MUC12: variants seen among roughly 807,000 people sequenced by gnomAD.
The protein encoded by MUC12 is mucin 12, cell surface associated.
MUC12 carries 172 observed loss-of-function variants against 230.8 expected under a neutral mutation model. That is an observed-to-expected ratio of 0.75 (90% CI 0.66 to 0.85). MUC12 has a LOEUF of 0.85. Among genes scored for constraint, MUC12 ranks in the 40% least tolerant of loss-of-function variants. The pLI is 0.00. For synonymous variants in MUC12, 1,259 were observed against 2,401.9 expected, an observed-to-expected ratio of 0.52 and a Z score of 13.91; for missense variants, 3,506 against 5,920.6, an observed-to-expected ratio of 0.59 and a Z score of 13.38.
At chr7:101,013,203 C>T (rs1182189815) in intron 8 of MUC12, 61 bp downstream of exon 8, 8 of 1,517,670 alleles carry the variant, frequency 5.3e-6, no homozygotes, top group African/African-American at 1.4e-5. Flanking sequence ...TCCCCCTCCC[C>T]AGCAGTCACC....
rs1309159866 is a variant in MUC12, at chr7:100,990,703, C to T, written c.140C>T (p.Thr47Ile). ...ACACCCAGTTCAAGCGACCCTTTTA[C>T]CACCTTTAGTGACTATGGGGTGTCA... ...ASTPSSSDPF[T>I]TFSDYGVSVT... The change falls in exon 2 of 12, where the codon ACC becomes ATC. Residue 47 changes from threonine to isoleucine, a missense_variant. Thr to Ile is a moderately conservative substitution (Grantham distance 89). Coordinates refer to ENST00000536621, the MANE Select transcript of MUC12 (RefSeq NM_001164462.2). 7.2e-6 allele frequency: 11 copies of T among 1,537,904 alleles called. No homozygotes were observed. In the South Asian group the frequency reaches 9.5e-5, roughly 13 times the overall value.
chr7:100,986,431 A>G (rs926006658), intron 1 of MUC12, among the ~76,000 whole-genome samples: 3 of 148,514 alleles, frequency 2.0e-5, no homozygotes, highest in Non-Finnish European at 4.5e-5. Context: ...AAAAAAAAAG[A>G]AAAAAAAAGC....
chr7:101,009,282 C>A, intron 5 of MUC12, 123 bp downstream of exon 5: 1 of 947,394 alleles, frequency 1.1e-6, no homozygotes, highest in South Asian at 1.5e-5. Flanking sequence ...GTCCTGCAGC[C>A]GCTAGGGAAC....
Position 101,004,841 on chromosome 7 carries a change from T to C in MUC12, c.14278T>C (p.Ser4760Pro). The C allele has an allele frequency of 9.8e-6, 15 of 1,536,874 alleles. No homozygotes were observed. Among genetic ancestry groups the C allele is most frequent in the Non-Finnish European group, 1.2e-5 (14 of 1,146,472 alleles). The change falls in exon 2 of 12, where the codon TCC (serine) becomes CCC (proline). Residue 4760 changes from serine to proline, a missense_variant. Physicochemically the swap from Ser to Pro is moderately conservative, Grantham distance 74. Coordinates refer to ENST00000536621, the MANE Select transcript of MUC12 (RefSeq NM_001164462.2). ...ACTCTCACCTGCCAGCATGACAAGC[T>C]CCAGCATCAGTGGAGAACCCACCAG... ...QTLSPASMTS[S>P]SISGEPTSLY...
At position 100,992,926 on chromosome 7, in the gene MUC12, C is replaced by A. The variant is rs35874995; in HGVS notation, c.2363C>A (p.Thr788Asn). The A allele has an allele frequency of 0.13, 193,006 of 1,513,526 alleles. 14,574 individuals are homozygous for A. The highest frequency in any genetic ancestry group is 0.18 in the African/African-American group (12,822 of 72,048). 93.8% of individuals were successfully genotyped at this position (1,513,526 alleles called of 1,614,324 possible). A position where few individuals can be genotyped will look rare whatever the true frequency, so the allele number is the denominator to read the frequency against. The change falls in exon 2 of 12, where the codon ACC (threonine) becomes AAC (asparagine). Residue 788 changes from threonine to asparagine, a missense_variant. Coordinates refer to ENST00000536621, the MANE Select transcript of MUC12 (RefSeq NM_001164462.2). ...ATAGTCCTACCTGCCCGCTCCACAA[C>A]CTCAGTTCTTCTTGGAGAATCTACG... ...GTIVLPARST[T>N]SVLLGESTTS... is the part of the protein sequence containing the mutation.
chr7:101,017,775 C>CCCCT (rs2116369754), intron 11 of MUC12, 112 bp downstream of exon 11: 3 of 702,078 alleles, frequency 4.3e-6, no homozygotes, highest in African/African-American at 4.2e-5. Context: ...CCCCCTGGGA[C>CCCCT]TCCCTCCCTT....
In MUC12 at chr7:101,005,502, T is replaced by C. The variant is rs1793732757; in HGVS notation, c.14939T>C (p.Leu4980Pro). 8 of 1,536,944 alleles carry C rather than the reference T, an allele frequency of 5.2e-6. No individual in the cohort carries two copies. Among genetic ancestry groups the C allele is most frequent in the African/African-American group, 2.7e-5 (2 of 73,066 alleles). ...FTSTIVSTES[L>P]ETLAPGLCQE... ...TCTACAATTGTGTCTACTGAAAGCCTGGAAACCTTAGCACCAGGTACTGCT... is the reference window on the plus strand; with the variant it reads ...TCTACAATTGTGTCTACTGAAAGCCCGGAAACCTTAGCACCAGGTACTGCT... Residue 4980 changes from leucine to proline, a missense_variant, in exon 2 of 12, where the codon CTG becomes CCG. Leu to Pro is a moderately conservative substitution (Grantham distance 98, BLOSUM62 -3). Transcript: ENST00000536621.
At chr7:100,969,762 A>G in intron 1 of MUC12, 73 bp downstream of exon 1, 1 of 1,531,214 alleles carries the variant, frequency 6.5e-7, no homozygotes, top group Non-Finnish European at 8.8e-7. Flanking sequence ...TGCCTCAGGC[A>G]GCAGGGCTGC....
chr7:101,005,800 ATTTT>A (rs58353499), intron 2 of MUC12, among the ~76,000 whole-genome samples: 84 of 146,600 alleles, frequency 5.7e-4, no homozygotes, highest in East Asian at 8.0e-4. Flanking sequence ...TCTTCTCTGG[ATTTT>A]TTTTTTTTTT....
chr7:101,006,774 G>A (rs1365397022), intron 3 of MUC12, among the ~76,000 whole-genome samples: 2 of 151,932 alleles, frequency 1.3e-5, no homozygotes, highest in East Asian at 1.9e-4. Context: ...TGGGGTGGTC[G>A]ATTTTTTTTA....
intron 3 of MUC12, among the ~76,000 whole-genome samples, chr7:101,006,996 T>C (rs1321320802): frequency 6.6e-6 from 1 of 152,166 alleles, no homozygotes; most frequent in African/African-American, 2.4e-5. Flanking sequence ...TCTCGCTCTG[T>C]CTCCCAGGCT....
At position 101,004,944 on chromosome 7, in the gene MUC12, C is replaced by T. The variant is rs1793716023; in HGVS notation, c.14381C>T (p.Ser4794Leu). 1 of 1,537,894 alleles carries T rather than the reference C, an allele frequency of 6.5e-7. No individual in the cohort carries two copies. The highest frequency in any genetic ancestry group is 1.4e-5 in the African/African-American group (1 of 73,172). Residue 4794 changes from serine to leucine, a missense_variant, in exon 2 of 12, where the codon TCA (serine) becomes TTA (leucine). Coordinates refer to ENST00000536621, the MANE Select transcript of MUC12 (RefSeq NM_001164462.2). ...ACCACCTCAGGCCTCAGTCAGGAAT[C>T]AACAACTTTCCACAGTAAGCCAGGC... ...STTTSGLSQE[S>L]TTFHSKPGST...
chr7:100,970,841 C>T (rs1179762669), intron 1 of MUC12, among the ~76,000 whole-genome samples: 5 of 152,132 alleles, frequency 3.3e-5, no homozygotes, highest in Admixed American at 1.3e-4. Flanking sequence ...ACTAAAAATA[C>T]AAAAAATTAG....
intron 2 of MUC12, 123 bp from the exon 3 acceptor site, chr7:101,006,348 T>C: frequency 3.0e-6 from 2 of 674,620 alleles, no homozygotes; most frequent in Non-Finnish European, 5.3e-6. Flanking sequence ...TTCATTGCTG[T>C]GCGGTCATCT....
At position 100,986,083 on chromosome 7, in the gene MUC12, C is replaced by T. The variant is rs577488463; in HGVS notation, c.68-4548C>T. The stretch of plus-strand genomic sequence containing the variant: ...ACCGACTTCAAAACAAACATGTGGC[C>T]GGTGTGTGCCTCAAGCCTGTAATCC... On this transcript the variant is annotated intron_variant, in intron 1 of 11. Coordinates refer to ENST00000536621, the MANE Select transcript of MUC12 (RefSeq NM_001164462.2). Among the ~76,000 whole-genome samples, 18 of 152,156 alleles carry T rather than the reference C, an allele frequency of 1.2e-4. No individual in the cohort carries two copies. The East Asian group carries it at 2.1e-3, about 18-fold the overall frequency.
At chr7:100,990,494 C>CA in intron 1 of MUC12, 137 bp from the exon 2 acceptor site, 1 of 1,092,078 alleles carries the variant, frequency 9.2e-7, no homozygotes, top group Non-Finnish European at 1.3e-6. Flanking sequence ...CCTATGCCCC[C>CA]AAAAGGGAAA....
At position 100,992,541 on chromosome 7, in the gene MUC12, A is replaced by G. The variant is rs759979120; in HGVS notation, c.1978A>G (p.Thr660Ala). 2.6e-6 allele frequency: 4 copies of G among 1,537,120 alleles called. No individual in the cohort carries two copies. The East Asian group carries it at 9.8e-5, about 38-fold the overall frequency. Reference sequence around the variant, plus strand: ...ATCAGCCTTTGTTGAGCCATCTACAACCTCCCACGGCAGCCCGAGCTCAAT... The same window carrying G: ...ATCAGCCTTTGTTGAGCCATCTACAGCCTCCCACGGCAGCCCGAGCTCAAT... ...TTSAFVEPST[T>A]SHGSPSSIPT... Residue 660 changes from threonine to alanine, a missense_variant, in exon 2 of 12, where the codon ACC becomes GCC. Transcript: ENST00000536621.
chr7:101,008,640 C>T lies in MUC12; in HGVS notation c.15065C>T (p.Pro5022Leu), dbSNP rs375095627. The change falls in exon 4 of 12, where the codon CCG (proline) becomes CTG (leucine). Residue 5022 changes from proline to leucine, a missense_variant. By Grantham distance (98) the Pro-to-Leu change is moderately conservative (BLOSUM62 -3). Transcript: ENST00000536621. ...SPLESFPVET[P>L]EKLNATLGMT... ...CCATGGCCTTTTCCCACAGAAACCC[C>T]GGAAAAACTCAACGCCACTTTAGGT... is the stretch of plus-strand genomic sequence containing the variant. The T allele has an allele frequency of 2.2e-4, 345 of 1,537,026 alleles. No homozygotes were observed. Among genetic ancestry groups the T allele is most frequent in the Admixed American group, 2.7e-4 (14 of 50,966 alleles).
At chr7:100,982,425 T>A (rs995907336) in intron 1 of MUC12, among the ~76,000 whole-genome samples, 1 of 150,984 alleles carries the variant, frequency 6.6e-6, no homozygotes, top group African/African-American at 2.4e-5. Flanking sequence ...GTAAAAGTCA[T>A]TTTTCTTTTC....
Sources: gnomAD v4.1 joint callset for allele counts (sites outside exome capture counted in the v4.1 genomes callset) on GRCh38, gnomAD v4.1.1 for gene constraint, MANE v1.5 for transcripts, NCBI Gene and HGNC (gene_info 2026-07-23, HGNC 2026-07-21) for gene names.